TANC1: variants seen among roughly 807,000 people sequenced by gnomAD.
TANC1 encodes tetratricopeptide repeat, ankyrin repeat and coiled-coil containing 1, also known as protein TANC1.
A neutral mutation model predicts 149.7 loss-of-function variants in TANC1; 77 were observed. The observed-to-expected ratio is 0.51, with a 90% CI of 0.43 to 0.62. TANC1 has a LOEUF of 0.62. Ranked by LOEUF, TANC1 falls within the 20% of genes least tolerant of loss-of-function variation. The pLI, the probability that TANC1 is intolerant of heterozygous loss-of-function variation, is 0.00. For synonymous variants in TANC1, 854 were observed against 925.0 expected, an observed-to-expected ratio of 0.92 and a Z score of 1.39; for missense variants, 1,985 against 2,321.8, an observed-to-expected ratio of 0.85 and a Z score of 2.98.
intron 2 of TANC1, among the ~76,000 whole-genome samples, chr2:159,024,386 T>A (rs1420233134): frequency 6.6e-6 from 1 of 152,214 alleles, no homozygotes; most frequent in Non-Finnish European, 1.5e-5. Context: ...AGTCACTCAC[T>A]GACCCACCCA....
intron 7 of TANC1, among the ~76,000 whole-genome samples, chr2:159,153,633 G>A (rs1316265089): frequency 6.6e-6 from 1 of 150,594 alleles, no homozygotes; most frequent in African/African-American, 2.5e-5. Flanking sequence ...TCCTCTCCAG[G>A]CAGACTGTAG....
intron 14 of TANC1, among the ~76,000 whole-genome samples, chr2:159,181,381 C>T (rs562835561): frequency 2.6e-4 from 40 of 152,040 alleles, no homozygotes; most frequent in African/African-American, 9.2e-4. Context: ...CTGCAGGCTC[C>T]GCCCCCTGGG....
chr2:159,019,423 T>C (rs2038594197), intron 2 of TANC1, among the ~76,000 whole-genome samples: 2 of 152,192 alleles, frequency 1.3e-5, no homozygotes, highest in African/African-American at 4.8e-5. Flanking sequence ...AACCTCCTGC[T>C]TTCTAAGTGT....
chr2:159,114,479 A>G (rs1284457988), intron 4 of TANC1, among the ~76,000 whole-genome samples: 1 of 152,184 alleles, frequency 6.6e-6, no homozygotes, highest in Admixed American at 6.5e-5. Flanking sequence ...GGGGGGAAAC[A>G]TCTTAACTGT....
chr2:159,054,118 C>A (rs1574362467), intron 2 of TANC1, among the ~76,000 whole-genome samples: 2 of 152,144 alleles, frequency 1.3e-5, no homozygotes. Flanking sequence ...TGACTCTCAC[C>A]ACTCCCTGGG....
chr2:159,082,825 G>C (rs1437163330), intron 3 of TANC1, among the ~76,000 whole-genome samples: 1 of 152,222 alleles, frequency 6.6e-6, no homozygotes. Context: ...GGGCTCTACT[G>C]TAATTGTGTA....
At chr2:159,117,457 G>A (rs933171521) in intron 4 of TANC1, among the ~76,000 whole-genome samples, 4 of 151,746 alleles carry the variant, frequency 2.6e-5, no homozygotes, top group Non-Finnish European at 4.4e-5. Context: ...GTGCAGTGGT[G>A]CAATCTCGGC....
In TANC1 at chr2:159,075,984, G is replaced by A. The variant is rs112771379; in HGVS notation, c.61+10013G>A. Reference sequence around the variant, plus strand: ...TCCTATTACTAGGGGGTATTTGTGGGTTTTAGTAATCTTTGTCACTTTTAT... The same window carrying A: ...TCCTATTACTAGGGGGTATTTGTGGATTTTAGTAATCTTTGTCACTTTTAT... On this transcript the variant is annotated intron_variant, in intron 3 of 26. Transcript: ENST00000263635. Among the ~76,000 whole-genome samples the A allele has an allele frequency of 5.8e-3, 882 of 152,268 alleles. 6 individuals are homozygous for A. The highest frequency in any genetic ancestry group is 0.02 in the African/African-American group (822 of 41,544).
At chr2:159,069,332 AG>A (rs2042944639) in intron 3 of TANC1, among the ~76,000 whole-genome samples, 1 of 152,202 alleles carries the variant, frequency 6.6e-6, no homozygotes. Context: ...AGCAAAAATC[AG>A]TATTAAACCA....
At chr2:158,985,340 A>G (rs2034873338) in intron 1 of TANC1, among the ~76,000 whole-genome samples, 1 of 152,196 alleles carries the variant, frequency 6.6e-6, no homozygotes, top group Non-Finnish European at 1.5e-5. Context: ...CTGTGCCACC[A>G]TGGTTTTTAG....
chr2:159,071,792 T>C (rs2149727197), intron 3 of TANC1, among the ~76,000 whole-genome samples: 1 of 152,340 alleles, frequency 6.6e-6, no homozygotes, highest in Non-Finnish European at 1.5e-5. Context: ...GCAGTGACTC[T>C]CTTGCTGAGC....
At chr2:159,087,553 G>A (rs1251482454) in intron 3 of TANC1, among the ~76,000 whole-genome samples, 1 of 150,428 alleles carries the variant, frequency 6.6e-6, no homozygotes, top group African/African-American at 2.5e-5. Flanking sequence ...TGTTGCCCAG[G>A]CTGCTGTACA....
At chr2:159,031,405 G>A (rs2039771551) in intron 2 of TANC1, among the ~76,000 whole-genome samples, 1 of 152,182 alleles carries the variant, frequency 6.6e-6, no homozygotes, top group South Asian at 2.1e-4. Flanking sequence ...GTCCTGGTAG[G>A]TCATTTCAGC....
intron 3 of TANC1, among the ~76,000 whole-genome samples, chr2:159,090,484 A>G (rs1422060203): frequency 6.6e-6 from 1 of 152,138 alleles, no homozygotes; most frequent in African/African-American, 2.4e-5. Context: ...CCAACCAGTT[A>G]AAACAGCCTC....
chr2:159,136,037 T>C (rs1322464834), intron 4 of TANC1, among the ~76,000 whole-genome samples, 157 bp from the exon 5 acceptor site: 6 of 76,172 alleles, frequency 7.9e-5, no homozygotes, highest in African/African-American at 2.1e-4. Context: ...TGTGTGTGTG[T>C]GTGTGTGTGT....
intron 2 of TANC1, among the ~76,000 whole-genome samples, chr2:159,049,707 T>C (rs264665): frequency 0.7 from 106,354 of 152,000 alleles, 37,399 homozygotes; most frequent in Non-Finnish European, 0.74. Context: ...TTACCAGACA[T>C]GGAAGGGAGG....
chr2:159,194,367 C>T lies in TANC1; in HGVS notation c.2853C>T (p.Val951=), dbSNP rs2057697551. Residue 951 remains valine, a synonymous_variant, in exon 17 of 27, where the codon GTC becomes GTT. Transcript: ENST00000263635. ...VQSHLGHEEV[V]TLLLEFGACL... is the part of the protein sequence containing the mutation. The stretch of plus-strand genomic sequence containing the variant: ...CTCACCTTGGCCACGAGGAAGTTGT[C>T]ACTCTGCTCCTGGAATTTGGTGCCT... The T allele has an allele frequency of 6.2e-7, 1 of 1,614,270 alleles. No homozygotes were observed. Among genetic ancestry groups the T allele is most frequent in the Non-Finnish European group, 8.5e-7 (1 of 1,180,052 alleles).
At position 159,229,590 on chromosome 2, in the gene TANC1, A is replaced by C. The variant is rs201014767; in HGVS notation, c.4164A>C (p.Ala1388=). The change falls in exon 27 of 27, where the codon GCA becomes GCC. Residue 1388 remains alanine (A), a synonymous_variant. Transcript: ENST00000263635. ...TTTTCCTACAAAGGCAATTCGTGGCAGCTCTGGCTGACCTGCAAGAGGCTG... is the reference window on the plus strand; with the variant it reads ...TTTTCCTACAAAGGCAATTCGTGGCCGCTCTGGCTGACCTGCAAGAGGCTG... ...RAKRNSRQFV[A]ALADLQEAVK... 2,751 of 1,612,180 alleles carry C rather than the reference A, an allele frequency of 1.7e-3. 4 individuals are homozygous for C. The highest frequency in any genetic ancestry group is 1.8e-3 in the Non-Finnish European group (2,138 of 1,179,322).
At chr2:159,054,265 G>T (rs1005407885) in intron 2 of TANC1, among the ~76,000 whole-genome samples, 1 of 152,186 alleles carries the variant, frequency 6.6e-6, no homozygotes, top group Non-Finnish European at 1.5e-5. Context: ...TGCCTTTGTG[G>T]AATGGAGATT....
Sources: allele counts gnomAD v4.1 joint callset (sites outside exome capture counted in the v4.1 genomes callset), GRCh38; gene constraint gnomAD v4.1.1; transcripts MANE v1.5; gene names NCBI Gene and HGNC (gene_info 2026-07-23, HGNC 2026-07-21).